Variants in RNF223 observed in about 807,000 individuals in gnomAD.
RNF223 encodes ring finger protein 223.
Under a neutral mutation model 13.9 loss-of-function variants are expected in RNF223, and 10 were observed. The observed-to-expected ratio is 0.72, with a 90% confidence interval of 0.44 to 1.22. The LOEUF (loss-of-function observed/expected upper bound fraction) is 1.22, where lower values mean the gene tolerates loss of function less well. Among genes scored for constraint, RNF223 ranks in the 50% most tolerant of loss-of-function variants. RNF223 has a pLI of 0.00. For missense variants in RNF223, 379 were observed against 380.0 expected (o/e 1.00, Z 0.02); for synonymous variants, 168 against 173.3 (o/e 0.97, Z 0.24).
At position 1,072,478 on chromosome 1, in the gene RNF223, G is replaced by A. The variant is rs868755076; in HGVS notation, c.89C>T (p.Ser30Leu). ...SIASMPRSPS[S>L]AGSPRSPGTP... The stretch of plus-strand genomic sequence containing the variant: ...GCCAGGGGACCTGGGGCTGCCGGCC[G>A]AGCTGGGGGACCTGGGCATCGAGGC... Residue 30 changes from serine to leucine, a missense_variant, in exon 2 of 2, where the codon TCG (serine) becomes TTG (leucine). Physicochemically the swap from Ser to Leu is moderately radical, Grantham distance 145. Coordinates refer to ENST00000453464, the MANE Select transcript of RNF223 (RefSeq NM_001205252.2). 32 of 1,530,584 alleles carry A rather than the reference G, an allele frequency of 2.1e-5. No homozygotes were observed. The highest frequency in any genetic ancestry group is 2.7e-5 in the Non-Finnish European group (31 of 1,144,682). 94.8% of individuals were successfully genotyped at this position (1,530,584 alleles called of 1,614,324 possible).
At chr1:1,072,788 C>G (rs781763909) in intron 1 of RNF223, among the ~76,000 whole-genome samples, 10 of 152,210 alleles carry the variant, frequency 6.6e-5, no homozygotes, top group Non-Finnish European at 1.3e-4. Context: ...CCGGGGTGAG[C>G]CTCCCACAGG....
Position 1,072,083 on chromosome 1 carries a change from C to T in RNF223, c.484G>A (p.Val162Met), listed in dbSNP as rs774855218. 57 of 1,511,302 alleles carry T rather than the reference C, an allele frequency of 3.8e-5. 1 individual carries two copies. In the South Asian group the frequency reaches 6.5e-4, roughly 17 times the overall value. 93.6% of individuals were successfully genotyped at this position (1,511,302 alleles called of 1,614,324 possible). A position where few individuals can be genotyped will look rare whatever the true frequency, so the allele number is the denominator to read the frequency against. The change falls in exon 2 of 2, where the codon GTG (valine) becomes ATG (methionine). Residue 162 changes from valine (V) to methionine (M), a missense_variant. Coordinates refer to ENST00000453464, the MANE Select transcript of RNF223 (RefSeq NM_001205252.2). The part of the protein sequence containing the change: ...GREPGFVCVD[V>M]GLSKPAEPPA... ...GGCTCGGCAGGCTTGCTCAAACCCA[C>T]GTCCACGCATACGAAACCGGGCTCG...
At position 1,071,773 on chromosome 1, in the gene RNF223, T is replaced by C. The variant is rs1645640428; in HGVS notation, c.*44A>G. The C allele has an allele frequency of 1.4e-6, 2 of 1,407,660 alleles. No individual in the cohort carries two copies. The highest frequency in any genetic ancestry group is 1.9e-6 in the Non-Finnish European group (2 of 1,080,946). The allele number at this position is 1,407,660 out of a possible 1,614,324, so 87.2% of individuals were successfully genotyped here. On this transcript the variant is annotated 3_prime_UTR_variant, in exon 2 of 2. Coordinates refer to ENST00000453464, the MANE Select transcript of RNF223 (RefSeq NM_001205252.2). ...GGGCCCCCCAGTGGGGGACGCCCCA[T>C]GGAGCTGGGCGAGGGCGGCTGACCT...
In RNF223 at chr1:1,071,818, T is replaced by G; in HGVS notation, c.749A>C (p.Ter250SerextTer57). The G allele has an allele frequency of 2.0e-6, 3 of 1,493,544 alleles. No individual in the cohort carries two copies. The highest frequency in any genetic ancestry group is 2.7e-6 in the Non-Finnish European group (3 of 1,126,830). The allele number at this position is 1,493,544 out of a possible 1,614,324, so 92.5% of individuals were successfully genotyped here. A position where few individuals can be genotyped will look rare whatever the true frequency, so the allele number is the denominator to read the frequency against. ...ASPLGPLTDN[*>S] ...TGACCTGGGCAGAGGCTGCTGGCCC[T>G]AATTATCAGTCAGAGGCCCGAGGGG... Residue 250 changes from the stop codon to serine (S), a stop_lost, in exon 2 of 2, where the codon TAG becomes TCG. Coordinates refer to ENST00000453464, the MANE Select transcript of RNF223 (RefSeq NM_001205252.2).
In RNF223 at chr1:1,072,549, C is replaced by G. The variant is rs1198947432; in HGVS notation, c.18G>C (p.Gln6His). 10 of 1,527,412 alleles carry G rather than the reference C, an allele frequency of 6.5e-6. No individual in the cohort carries two copies. Among genetic ancestry groups the G allele is most frequent in the Non-Finnish European group, 8.7e-6 (10 of 1,143,220 alleles). 94.6% of individuals were successfully genotyped at this position (1,527,412 alleles called of 1,614,324 possible). A position where few individuals can be genotyped will look rare whatever the true frequency, so the allele number is the denominator to read the frequency against. Residue 6 changes from glutamine to histidine, a missense_variant, in exon 2 of 2, where the codon CAG becomes CAC. Transcript: ENST00000453464. MSSGQ[Q>H]VWHTAVPPPR... is the part of the protein sequence containing the mutation. ...GGGGTGGCACAGCCGTGTGCCACACCTGCTGGCCTGACGACATGTCTCTGA... is the reference window on the plus strand; with the variant it reads ...GGGGTGGCACAGCCGTGTGCCACACGTGCTGGCCTGACGACATGTCTCTGA...
chr1:1,072,834 A>G (rs1308170984), intron 1 of RNF223, among the ~76,000 whole-genome samples: 6 of 152,110 alleles, frequency 3.9e-5, no homozygotes, highest in African/African-American at 1.2e-4. Flanking sequence ...GGCCGTGTGT[A>G]GGGGGGTCTC....
rs551926563 is a variant in RNF223 at position 1,073,997 on chromosome 1, C to G, written c.-10+19G>C. The G allele has an allele frequency of 2.0e-5, 3 of 152,466 alleles. No individual in the cohort carries two copies. Among genetic ancestry groups the G allele is most frequent in the Admixed American group, 2.0e-4 (3 of 15,310 alleles). The allele number at this position is 152,466 out of a possible 1,614,324, so 9.4% of individuals were successfully genotyped here. On this transcript the variant is annotated intron_variant, in intron 1 of 1. Transcript: ENST00000453464. ...AGCCTGTGCAGGTAAGGGGTGAACA[C>G]GGGCTGAGCTGGCCTTACCTGGTGG...
intron 1 of RNF223, 121 bp from the exon 2 acceptor site, chr1:1,072,696 TC>T: frequency 2.5e-6 from 2 of 794,794 alleles, no homozygotes; most frequent in Non-Finnish European, 3.8e-6. Flanking sequence ...TGCGCGCCAC[TC>T]CAGAAAGTTC....
In RNF223 at chr1:1,071,537, A is replaced by G. The variant is rs1423129398; in HGVS notation, c.*280T>C. 1 of 354,142 alleles carries G rather than the reference A, an allele frequency of 2.8e-6. No homozygotes were observed. Among genetic ancestry groups the G allele is most frequent in the Non-Finnish European group, 5.1e-6 (1 of 197,590 alleles). 21.9% of individuals were successfully genotyped at this position (354,142 alleles called of 1,614,324 possible). On this transcript the variant is annotated 3_prime_UTR_variant, in exon 2 of 2. Transcript: ENST00000453464. ...TGCCTCAGCCCTCCAGAGTGCTGAG[A>G]TGACAGGCGTGAGCCACCGCGCCCG...
intron 1 of RNF223, 71 bp from the exon 2 acceptor site, chr1:1,072,646 CT>C: frequency 3.2e-6 from 4 of 1,238,524 alleles, no homozygotes; most frequent in Non-Finnish European, 4.3e-6. Context: ...TCTCCCTCCC[CT>C]CTCTCGCCCC....
chr1:1,071,503 T>G lies in RNF223; in HGVS notation c.*314A>C, dbSNP rs947726251. 3.1e-5 allele frequency: 8 copies of G among 259,502 alleles called. No homozygotes were observed. The highest frequency in any genetic ancestry group is 1.1e-3 in the Middle Eastern group (1 of 928). The allele number at this position is 259,502 out of a possible 1,614,324, so 16.1% of individuals were successfully genotyped here. A position where few individuals can be genotyped will look rare whatever the true frequency, so the allele number is the denominator to read the frequency against. ...CTGGTGTCAAAATCCCGACCTCAAG[T>G]GGTCTTTCTGCCTCAGCCCTCCAGA... On this transcript the variant is annotated 3_prime_UTR_variant, in exon 2 of 2. Transcript: ENST00000453464.
At position 1,071,882 on chromosome 1, in the gene RNF223, G is replaced by A. The variant is rs879789387; in HGVS notation, c.685C>T (p.Leu229=). 9 of 1,531,750 alleles carry A rather than the reference G, an allele frequency of 5.9e-6. No individual in the cohort carries two copies. Among genetic ancestry groups the A allele is most frequent in the Non-Finnish European group, 6.1e-6 (7 of 1,144,756 alleles). The allele number at this position is 1,531,750 out of a possible 1,614,324, so 94.9% of individuals were successfully genotyped here. The change falls in exon 2 of 2, where the codon CTG becomes TTG. Residue 229 remains leucine, a synonymous_variant. Transcript: ENST00000453464. ...LKTGNLRCLP[L]PPRPPATSTA... is the part of the protein sequence containing the mutation. ...CTGGTGGCCGGGGGCCGGGGGGGCAGGGGCAGGCAGCGCAGGTTCCCGGTC... is the reference window on the plus strand; with the variant it reads ...CTGGTGGCCGGGGGCCGGGGGGGCAAGGGCAGGCAGCGCAGGTTCCCGGTC...
chr1:1,072,175 C>T lies in RNF223; in HGVS notation c.392G>A (p.Arg131His), dbSNP rs368270701. 1.8e-5 allele frequency: 27 copies of T among 1,508,754 alleles called. No individual in the cohort carries two copies. The highest frequency in any genetic ancestry group is 1.8e-4 in the Middle Eastern group (1 of 5,708). 93.5% of individuals were successfully genotyped at this position (1,508,754 alleles called of 1,614,324 possible). A position where few individuals can be genotyped will look rare whatever the true frequency, so the allele number is the denominator to read the frequency against. ...LQARMPAHLR[R>H]EEPVWLEGTK... is the part of the protein sequence containing the mutation. ...GCCCTCCAGCCACACAGGCTCCTCA[C>T]GCCGCAAATGCGCCGGCATCCGGGC... Residue 131 changes from arginine (R) to histidine (H), a missense_variant, in exon 2 of 2, where the codon CGT (arginine) becomes CAT (histidine). Transcript: ENST00000453464.
rs1329476893 is a variant in RNF223, at chr1:1,074,288, T to A, written c.-282A>T. ...CCGTCACCCGCACAGAGCTCTGGTC[T>A]GAGGCAGGTGTGAGTTGCTGGGTGT... is the stretch of plus-strand genomic sequence containing the variant. On this transcript the variant is annotated 5_prime_UTR_variant, in exon 1 of 2. Transcript: ENST00000453464. 3 of 152,406 alleles carry A rather than the reference T, an allele frequency of 2.0e-5. No individual in the cohort carries two copies. 9.4% of individuals were successfully genotyped at this position (152,406 alleles called of 1,614,324 possible). A position where few individuals can be genotyped will look rare whatever the true frequency, so the allele number is the denominator to read the frequency against.
In RNF223 at chr1:1,072,090, G is replaced by C. The variant is rs1167893790; in HGVS notation, c.477C>G (p.Cys159Trp). Residue 159 changes from cysteine to tryptophan, a missense_variant, in exon 2 of 2, where the codon TGC (cysteine) becomes TGG (tryptophan). Physicochemically the swap from Cys to Trp is radical, Grantham distance 215 (BLOSUM62 -2). Coordinates refer to ENST00000453464, the MANE Select transcript of RNF223 (RefSeq NM_001205252.2). ...TTPGREPGFVCVDVGLSKPAE... is the reference protein window; with the variant it reads ...TTPGREPGFVWVDVGLSKPAE... ...CAGGCTTGCTCAAACCCACGTCCACGCATACGAAACCGGGCTCGCGGCCAG... is the reference window on the plus strand; with the variant it reads ...CAGGCTTGCTCAAACCCACGTCCACCCATACGAAACCGGGCTCGCGGCCAG... 1 of 1,513,388 alleles carries C rather than the reference G, an allele frequency of 6.6e-7. No homozygotes were observed. The highest frequency in any genetic ancestry group is 8.8e-7 in the Non-Finnish European group (1 of 1,137,756). The allele number at this position is 1,513,388 out of a possible 1,614,324, so 93.7% of individuals were successfully genotyped here.
rs560098544 is a variant in RNF223, at chr1:1,071,814, G to A, written c.*3C>T. 1 of 1,487,690 alleles carries A rather than the reference G, an allele frequency of 6.7e-7. No individual in the cohort carries two copies. The allele number at this position is 1,487,690 out of a possible 1,614,324, so 92.2% of individuals were successfully genotyped here. A position where few individuals can be genotyped will look rare whatever the true frequency, so the allele number is the denominator to read the frequency against. On this transcript the variant is annotated 3_prime_UTR_variant, in exon 2 of 2. Transcript: ENST00000453464. The stretch of plus-strand genomic sequence containing the variant: ...CGGCTGACCTGGGCAGAGGCTGCTG[G>A]CCCTAATTATCAGTCAGAGGCCCGA...
At chr1:1,073,861 G>A (rs116110450) in intron 1 of RNF223, among the ~76,000 whole-genome samples, 155 bp downstream of exon 1, 1,775 of 152,300 alleles carry the variant, frequency 0.012, 35 homozygotes, top group African/African-American at 0.04. Context: ...CTGTGAGGCC[G>A]TGAGTGCCCC....
intron 1 of RNF223, among the ~76,000 whole-genome samples, chr1:1,073,180 C>T (rs534999118): frequency 2.8e-4 from 43 of 152,256 alleles, no homozygotes; most frequent in South Asian, 2.7e-3. Context: ...CGGTGCAGGC[C>T]TGATTTGTAG....
At position 1,071,925 on chromosome 1, in the gene RNF223, C is replaced by T. The variant is rs1465152628; in HGVS notation, c.642G>A (p.Pro214=). The part of the protein sequence containing the change: ...LLMLFCVALW[P]VQCALKTGNL... ...TCCCGGTCTTGAGCGCGCACTGCAC[C>T]GGCCAGAGTGCCACACAGAAGAGCA... Residue 214 remains proline, a synonymous_variant, in exon 2 of 2, where the codon CCG becomes CCA. Coordinates refer to ENST00000453464, the MANE Select transcript of RNF223 (RefSeq NM_001205252.2). 3.1e-5 allele frequency: 47 copies of T among 1,534,422 alleles called. No homozygotes were observed. The highest frequency in any genetic ancestry group is 3.7e-5 in the Non-Finnish European group (42 of 1,146,172).
Sources: allele counts gnomAD v4.1 joint callset (sites outside exome capture counted in the v4.1 genomes callset), GRCh38; gene constraint gnomAD v4.1.1; transcripts MANE v1.5; gene names NCBI Gene and HGNC (gene_info 2026-07-23, HGNC 2026-07-21).